Variants in SP7 observed in about 807,000 individuals in gnomAD.
SP7 encodes Sp7 transcription factor.
A neutral mutation model predicts 27.9 loss-of-function variants in SP7; 13 were observed. The ratio of observed to expected loss-of-function variants is 0.47; its 90% CI spans 0.30 to 0.74. The LOEUF (loss-of-function observed/expected upper bound fraction) is 0.74, where lower values mean the gene tolerates loss of function less well. Ranked by LOEUF, SP7 falls within the 30% of genes least tolerant of loss-of-function variation. The probability of loss-of-function intolerance (pLI) is 0.06; values close to 1 mark genes in which losing one functional copy is unlikely to be tolerated. For missense variants in SP7, 525 were observed against 558.0 expected (o/e 0.94, Z 0.60); for synonymous variants, 219 against 226.7 (o/e 0.97, Z 0.31).
intron 1 of SP7, among the ~76,000 whole-genome samples, chr12:53,342,970 A>G (rs1485436272): frequency 6.6e-6 from 1 of 151,816 alleles, no homozygotes; most frequent in Non-Finnish European, 1.5e-5. Context: ...AAGTAAAGAA[A>G]CTGAAGGACA....
upstream of SP7, among the ~76,000 whole-genome samples, chr12:53,338,297 T>C (rs1944792300): frequency 6.7e-6 from 1 of 149,474 alleles, no homozygotes; most frequent in South Asian, 2.1e-4. Context: ...TGGGGGGGAG[T>C]CTGAGACTGA....
chr12:53,331,989 T>G (rs1380343296), intron 2 of SP7, among the ~76,000 whole-genome samples: 1 of 152,182 alleles, frequency 6.6e-6, no homozygotes. Context: ...GTTGCCTCTC[T>G]CTAAGGTCCC....
upstream of SP7, among the ~76,000 whole-genome samples, chr12:53,338,130 A>G: frequency 7.2e-6 from 1 of 138,598 alleles, no homozygotes. Flanking sequence ...GAGGAGGAGG[A>G]GGAGGAGGGT....
chr12:53,335,887 G>A (rs1158788534), intron 1 of SP7, 194 bp from the exon 2 acceptor site: 2 of 1,279,504 alleles, frequency 1.6e-6, no homozygotes, highest in African/African-American at 1.5e-5. Flanking sequence ...AGAGAGGGAG[G>A]CAGAGGGTCC....
In SP7 at chr12:53,329,173, T is replaced by G. The variant is rs1364413704; in HGVS notation, c.269A>C (p.Asn90Thr). ...SPPAPTSGYA[N>T]DYPPFSHSFP... ...TGAGTGGGAAAAGGGAGGGTAATCA[T>G]TAGCATAGCCTGAGGTGGGTGCTGG... Residue 90 changes from asparagine to threonine, a missense_variant, in exon 3 of 3, where the codon AAT becomes ACT. Asn to Thr is a moderately conservative substitution (Grantham distance 65, BLOSUM62 0). Transcript: ENST00000536324. 2 of 1,613,792 alleles carry G rather than the reference T, an allele frequency of 1.2e-6. No individual in the cohort carries two copies.
Position 53,329,232 on chromosome 12 carries a change from G to A in SP7, c.210C>T (p.Ser70=), listed in dbSNP as rs1277274734. 6.2e-7 allele frequency: 1 copy of A among 1,613,826 alleles called. No individual in the cohort carries two copies. The highest frequency in any genetic ancestry group is 2.2e-5 in the East Asian group (1 of 44,868). ...MGDAYPAPFT[S]TNGLLSPAGS... ...CTGCAGGTGAAAGGAGCCCATTAGT[G>A]CTTGTAAAGGGGGCTGGATAAGCAT... The change falls in exon 3 of 3, where the codon AGC becomes AGT. Residue 70 remains serine (S), a synonymous_variant. Transcript: ENST00000536324.
Position 53,328,550 on chromosome 12 carries a change from T to C in SP7, c.892A>G (p.Ile298Val). The change falls in exon 3 of 3, where the codon ATC becomes GTC. Residue 298 changes from isoleucine (I) to valine (V), a missense_variant. Transcript: ENST00000536324. The surrounding 1 kb of genome is among the most constrained non-coding windows in gnomAD (Gnocchi z 5.1). ...CCATACACCTTGCCGCAGCCAGGGA[T>C]GTGGCAGCTGTGGATGGGCTTCTTC... ...LRKKPIHSCH[I>V]PGCGKVYGKA... The C allele has an allele frequency of 6.2e-7, 1 of 1,612,212 alleles. No individual in the cohort carries two copies. Among genetic ancestry groups the C allele is most frequent in the Non-Finnish European group, 8.5e-7 (1 of 1,178,656 alleles).
In SP7 at chr12:53,335,640, A is replaced by C; in HGVS notation, c.7T>G (p.Ser3Ala). The change falls in exon 2 of 3, where the codon TCC becomes GCC. Residue 3 changes from serine (S) to alanine (A), a missense_variant. Physicochemically the swap from Ser to Ala is moderately conservative, Grantham distance 99. Coordinates refer to ENST00000536324, the MANE Select transcript of SP7 (RefSeq NM_001173467.3). ...GGGACAGTTACCTCAAGCAGGGAGG[A>C]CGCCATCCTGAGGCTGGGGAACGGG... MA[S>A]SLLEEEVHYG... 2 of 1,464,918 alleles carry C rather than the reference A, an allele frequency of 1.4e-6. No homozygotes were observed. The highest frequency in any genetic ancestry group is 1.8e-6 in the Non-Finnish European group (2 of 1,097,666). The allele number at this position is 1,464,918 out of a possible 1,614,324, so 90.7% of individuals were successfully genotyped here. A position where few individuals can be genotyped will look rare whatever the true frequency, so the allele number is the denominator to read the frequency against.
rs1944650118 is a variant in SP7, at chr12:53,327,883, G to C, written c.*263C>G. The C allele has an allele frequency of 2.2e-6, 1 of 464,174 alleles. No individual in the cohort carries two copies. Among genetic ancestry groups the C allele is most frequent in the Non-Finnish European group, 3.8e-6 (1 of 262,962 alleles). 28.8% of individuals were successfully genotyped at this position (464,174 alleles called of 1,614,324 possible). On this transcript the variant is annotated 3_prime_UTR_variant, in exon 3 of 3. Coordinates refer to ENST00000536324, the MANE Select transcript of SP7 (RefSeq NM_001173467.3). ...GTTGGTGTGGCAGGGCCAGAGTCTA[G>C]GAAGCCGGAGTGCAGGTATCAGGCA...
rs74695556 is a variant in SP7 at position 53,335,708 on chromosome 12, G to C, written c.-47-15C>G. Reference sequence around the variant, plus strand: ...GATGGAGAGAGCTGAGCCGGGGGGTGGGGGGGGTAGAGAGAGAAAAGGGAG... The same window carrying C: ...GATGGAGAGAGCTGAGCCGGGGGGTCGGGGGGGTAGAGAGAGAAAAGGGAG... On this transcript the variant is annotated splice_polypyrimidine_tract_variant and intron_variant, in intron 1 of 2. Transcript: ENST00000536324. 19 of 1,336,884 alleles carry C rather than the reference G, an allele frequency of 1.4e-5. No individual in the cohort carries two copies. The highest frequency in any genetic ancestry group is 1.2e-4 in the Admixed American group (5 of 42,608). 82.8% of individuals were successfully genotyped at this position (1,336,884 alleles called of 1,614,324 possible). A position where few individuals can be genotyped will look rare whatever the true frequency, so the allele number is the denominator to read the frequency against.
intron 2 of SP7, among the ~76,000 whole-genome samples, chr12:53,334,936 G>A (rs1944749266): frequency 6.6e-6 from 1 of 152,212 alleles, no homozygotes; most frequent in South Asian, 2.1e-4. Flanking sequence ...AGCTGAGTTT[G>A]TCTTTGGCTG....
At chr12:53,333,259 C>T (rs1944726749) in intron 2 of SP7, among the ~76,000 whole-genome samples, 1 of 152,186 alleles carries the variant, frequency 6.6e-6, no homozygotes. Flanking sequence ...GTCCCCATAC[C>T]TGATCAAATG....
intron 2 of SP7, among the ~76,000 whole-genome samples, chr12:53,332,810 C>T (rs999644141): frequency 3.9e-5 from 6 of 152,268 alleles, no homozygotes; most frequent in Admixed American, 2.6e-4. Flanking sequence ...CCCCAGAAAA[C>T]CCCCAGACCA....
intron 2 of SP7, among the ~76,000 whole-genome samples, chr12:53,334,838 C>G (rs1052257767): frequency 2.0e-5 from 3 of 152,222 alleles, no homozygotes; most frequent in African/African-American, 4.8e-5. Context: ...TTCCCTTTGT[C>G]CCCAGCACCA....
At chr12:53,340,533 C>T (rs906265468), upstream of SP7, among the ~76,000 whole-genome samples, 1 of 152,178 alleles carries the variant, frequency 6.6e-6, no homozygotes, top group Non-Finnish European at 1.5e-5. Context: ...TCCTGGGGAA[C>T]CCCAGCATCC....
chr12:53,329,118 A>G lies in SP7; in HGVS notation c.324T>C (p.Pro108=), dbSNP rs911490168. Reference sequence around the variant, plus strand: ...TGTGCCCCTTGGGCACTAGTAGCCCAGGGTCCTGGGTGCCTGTGGGCCCAG... The same window carrying G: ...TGTGCCCCTTGGGCACTAGTAGCCCGGGGTCCTGGGTGCCTGTGGGCCCAG... ...SFPGPTGTQD[P]GLLVPKGHSS... The change falls in exon 3 of 3, where the codon CCT becomes CCC. Residue 108 remains proline (P), a synonymous_variant. Transcript: ENST00000536324. The G allele has an allele frequency of 6.2e-7, 1 of 1,613,862 alleles. No homozygotes were observed. The highest frequency in any genetic ancestry group is 2.2e-5 in the East Asian group (1 of 44,880).
Position 53,328,131 on chromosome 12 carries a change from G to A in SP7, c.*15C>T, listed in dbSNP as rs1417359744. 6.3e-7 allele frequency: 1 copy of A among 1,594,654 alleles called. No individual in the cohort carries two copies. The highest frequency in any genetic ancestry group is 1.7e-5 in the Admixed American group (1 of 57,160). On this transcript the variant is annotated 3_prime_UTR_variant, in exon 3 of 3. Transcript: ENST00000536324. This position sits in a 1 kb window ranked among gnomAD's most constrained non-coding sequence, Gnocchi z 5.1. ...CTGTCAGGGCAGCCCTGGGGTGGGA[G>A]ACCTTCCACCCGGCTCAGATCTCCA... is the stretch of plus-strand genomic sequence containing the variant.
chr12:53,343,878 C>G (rs1235134011), intron 1 of SP7, among the ~76,000 whole-genome samples: 3 of 151,930 alleles, frequency 2.0e-5, no homozygotes, highest in African/African-American at 7.3e-5. Context: ...AACCCCTTCT[C>G]TACTAAAAAT....
In SP7 at chr12:53,329,424, T is replaced by A. The variant is rs2136837116; in HGVS notation, c.22-4A>T. 3 of 1,613,090 alleles carry A rather than the reference T, an allele frequency of 1.9e-6. No homozygotes were observed. Among genetic ancestry groups the A allele is most frequent in the Non-Finnish European group, 2.5e-6 (3 of 1,179,468 alleles). On this transcript the variant is annotated splice_polypyrimidine_tract_variant and splice_region_variant and intron_variant, in intron 2 of 2. Transcript: ENST00000536324. ...TGGAGCCATAGTGAACTTCCTCCTG[T>A]GGAAAGAGGGACGCACTGCTTAGGG...
Sources: gnomAD v4.1 joint callset for allele counts (sites outside exome capture counted in the v4.1 genomes callset) on GRCh38, gnomAD v4.1.1 for gene constraint, Gnocchi (gnomAD v3.1) non-coding constraint, MANE v1.5 for transcripts, NCBI Gene and HGNC (gene_info 2026-07-23, HGNC 2026-07-21) for gene names.